Variants in ZDBF2 observed in about 807,000 individuals in gnomAD.
ZDBF2 encodes DBF4-type zinc finger-containing protein 2.
In ZDBF2, 6 loss-of-function variants were observed where a neutral mutation model predicts 9.4. The ratio of observed to expected loss-of-function variants is 0.64; its 90% CI spans 0.35 to 1.27. ZDBF2 has a LOEUF of 1.27. Among genes scored for constraint, ZDBF2 ranks in the 50% most tolerant of loss-of-function variants. The pLI is 0.03. For synonymous variants in ZDBF2, 905 were observed against 946.3 expected, an observed-to-expected ratio of 0.96 and a Z score of 0.80; for missense variants, 2,697 against 2,766.8, an observed-to-expected ratio of 0.97 and a Z score of 0.57.
In ZDBF2 at chr2:206,307,440, C is replaced by T. The variant is rs1355919398; in HGVS notation, c.2912C>T (p.Pro971Leu). The T allele has an allele frequency of 2.5e-6, 4 of 1,611,886 alleles. No homozygotes were observed. The highest frequency in any genetic ancestry group is 1.7e-5 in the Admixed American group (1 of 59,666). The stretch of plus-strand genomic sequence containing the variant: ...CCTCTTCAGGCAGCGACTCACAAAC[C>T]TGAAGTAATTGTCAAAGAAACATGG... ...DVPLQAATHK[P>L]EVIVKETWLQ... The change falls in exon 5 of 5, where the codon CCT (proline) becomes CTT (leucine). Residue 971 changes from proline (P) to leucine (L), a missense_variant. Physicochemically the swap from Pro to Leu is moderately conservative, Grantham distance 98 (BLOSUM62 -3). Around this residue, in one of 3 missense-constraint regions of ZDBF2, gnomAD observed 1,783 missense variants for 1,776.5 expected, o/e 1.00. Coordinates refer to ENST00000374423, the MANE Select transcript of ZDBF2 (RefSeq NM_020923.3).
At chr2:206,278,504 T>C (rs1458110334) in intron 1 of ZDBF2, among the ~76,000 whole-genome samples, 2 of 152,184 alleles carry the variant, frequency 1.3e-5, no homozygotes, top group Non-Finnish European at 2.9e-5. Context: ...TGCCTAAAGA[T>C]ACGGTCTAAA....
In ZDBF2 at chr2:206,277,016, G is replaced by A. The variant is rs564793829; in HGVS notation, c.-103+2070G>A. 3.3e-5 allele frequency among the ~76,000 whole-genome samples: 5 copies of A among 152,246 alleles called. 1 individual carries two copies. Among genetic ancestry groups the A allele is most frequent in the African/African-American group, 1.2e-4 (5 of 41,550 alleles). On this transcript the variant is annotated intron_variant, in intron 1 of 4. Transcript: ENST00000374423. ...ATTGTTTTGTCATTGCTCCTCAATT[G>A]TTTCCCTACTGCTGGACGGAAAATT... is the stretch of plus-strand genomic sequence containing the variant.
chr2:206,305,918 C>G lies in ZDBF2; in HGVS notation c.1390C>G (p.Gln464Glu). The G allele has an allele frequency of 6.2e-7, 1 of 1,613,256 alleles. No individual in the cohort carries two copies. The highest frequency in any genetic ancestry group is 1.1e-5 in the South Asian group (1 of 91,022). The stretch of plus-strand genomic sequence containing the variant: ...TGACATTCTTCACTTGGTTACCAAC[C>G]AATCCCAAATGATTGTTAAAGAAAT... The part of the protein sequence containing the change: ...CDDILHLVTN[Q>E]SQMIVKEISL... Residue 464 changes from glutamine (Q) to glutamate (E), a missense_variant, in exon 5 of 5, where the codon CAA becomes GAA. Gln to Glu is a conservative substitution (Grantham distance 29, BLOSUM62 2). Coordinates refer to ENST00000374423, the MANE Select transcript of ZDBF2 (RefSeq NM_020923.3).
In ZDBF2 at chr2:206,284,804, C is replaced by A. The variant is rs574430441; in HGVS notation, c.60+2895C>A. ...AGTGCAGTGGCATGATCTTGGCTCA[C>A]TGCAACCTTCGCCTCTTGGGTTCAA... On this transcript the variant is annotated intron_variant, in intron 3 of 4. Transcript: ENST00000374423. Among the ~76,000 whole-genome samples, 80 of 152,326 alleles carry A rather than the reference C, an allele frequency of 5.3e-4. 1 individual carries two copies. Among genetic ancestry groups the A allele is most frequent in the African/African-American group, 1.8e-3 (73 of 41,578 alleles).
At chr2:206,288,872 G>T (rs1020554098) in intron 3 of ZDBF2, among the ~76,000 whole-genome samples, 1 of 152,096 alleles carries the variant, frequency 6.6e-6, no homozygotes, top group African/African-American at 2.4e-5. Context: ...TAGGTCTCAG[G>T]GGATGAGGCA....
In ZDBF2 at chr2:206,311,504, T is replaced by C; in HGVS notation, c.6976T>C (p.Tyr2326His). ...AGGTCCTTCTACACCTGTGAGAGCA[T>C]ATGATCTGAGAAGCTCATCTTGTTT... ...QKGPSTPVRA[Y>H]DLRSSSCLQQ... Residue 2326 changes from tyrosine to histidine, a missense_variant, in exon 5 of 5, where the codon TAT (tyrosine) becomes CAT (histidine). This residue lies in a region of ZDBF2 where 1,783 missense variants were observed against 1,776.5 expected (regional missense o/e 1.00). Transcript: ENST00000374423. The C allele has an allele frequency of 6.3e-7, 1 of 1,596,336 alleles. No homozygotes were observed. Among genetic ancestry groups the C allele is most frequent in the East Asian group, 2.2e-5 (1 of 44,780 alleles).
In ZDBF2 at chr2:206,308,941, G is replaced by A. The variant is rs747703884; in HGVS notation, c.4413G>A (p.Val1471=). The A allele has an allele frequency of 6.2e-7, 1 of 1,613,332 alleles. No individual in the cohort carries two copies. Among genetic ancestry groups the A allele is most frequent in the Non-Finnish European group, 8.5e-7 (1 of 1,179,620 alleles). The change falls in exon 5 of 5, where the codon GTG becomes GTA. Residue 1471 remains valine (V), a synonymous_variant. Transcript: ENST00000374423. ...HLQSEVDQPQ[V]SYKEADLQKE... ...AGTCAGAAGTTGACCAACCTCAAGT[G>A]TCTTACAAAGAGGCAGACCTTCAGA...
intron 3 of ZDBF2, 139 bp downstream of exon 3, chr2:206,282,048 C>A: frequency 2.7e-6 from 2 of 737,928 alleles, no homozygotes; most frequent in Admixed American, 3.3e-5. Flanking sequence ...GTTTAAGGTT[C>A]TAGGGATATG....
rs1369273729 is a variant in ZDBF2, at chr2:206,278,233, AAAAGTCATTTTTTAAAGAAAAATT to A, written c.-102-1303_-102-1280del. 9.2e-5 allele frequency among the ~76,000 whole-genome samples: 14 copies of A among 152,332 alleles called. No homozygotes were observed. The East Asian group carries it at 2.5e-3, about 27-fold the overall frequency. On this transcript the variant is annotated intron_variant, in intron 1 of 4. Transcript: ENST00000374423. ...CTTTACTTTTGTAATAAAAATTAAT[AAAAGTCATTTTTTAAAGAAAAATT>A]AAATGTGTATTTTCTTATTTTGTAA... is the stretch of plus-strand genomic sequence containing the variant.
At chr2:206,290,993 A>G (rs1356227582) in intron 3 of ZDBF2, among the ~76,000 whole-genome samples, 1 of 152,128 alleles carries the variant, frequency 6.6e-6, no homozygotes, top group Non-Finnish European at 1.5e-5. Flanking sequence ...CTAATTTGCT[A>G]AGTGTTTAAT....
At chr2:206,290,497 CA>C (rs1691832954) in intron 3 of ZDBF2, among the ~76,000 whole-genome samples, 2 of 152,158 alleles carry the variant, frequency 1.3e-5, no homozygotes, top group Admixed American at 6.5e-5. Context: ...TATGTATTTC[CA>C]TTTACGCAGA....
At position 206,308,397 on chromosome 2, in the gene ZDBF2, A is replaced by T; in HGVS notation, c.3869A>T (p.His1290Leu). The change falls in exon 5 of 5, where the codon CAT (histidine) becomes CTT (leucine). Residue 1290 changes from histidine to leucine, a missense_variant. Around this residue, in one of 3 missense-constraint regions of ZDBF2, gnomAD observed 1,783 missense variants for 1,776.5 expected, o/e 1.00. Transcript: ENST00000374423. ...GATTCCAGAATAAATTTTGATTCTCATGAACCCCTTCAGTCCGTAACTAAT... is the reference window on the plus strand; with the variant it reads ...GATTCCAGAATAAATTTTGATTCTCTTGAACCCCTTCAGTCCGTAACTAAT... ...PTDSRINFDS[H>L]EPLQSVTNKI... 1 of 1,613,086 alleles carries T rather than the reference A, an allele frequency of 6.2e-7. No homozygotes were observed. Among genetic ancestry groups the T allele is most frequent in the Non-Finnish European group, 8.5e-7 (1 of 1,179,656 alleles).
At chr2:206,278,174 G>A (rs1691128530) in intron 1 of ZDBF2, among the ~76,000 whole-genome samples, 1 of 152,002 alleles carries the variant, frequency 6.6e-6, no homozygotes, top group South Asian at 2.1e-4. Flanking sequence ...TGATTTTTAT[G>A]CTCTTTATTT....
At chr2:206,295,353 CTTTTCTTTTCT>C (rs1692111707) in intron 3 of ZDBF2, among the ~76,000 whole-genome samples, 1 of 138,198 alleles carries the variant, frequency 7.2e-6, no homozygotes. Flanking sequence ...CTTTTTTTTT[CTTTTCTTTTCT>C]TTTTTTTTTT....
At position 206,306,757 on chromosome 2, in the gene ZDBF2, T is replaced by C. The variant is rs1692824444; in HGVS notation, c.2229T>C (p.Tyr743=). 1 of 1,613,872 alleles carries C rather than the reference T, an allele frequency of 6.2e-7. No individual in the cohort carries two copies. The highest frequency in any genetic ancestry group is 8.5e-7 in the Non-Finnish European group (1 of 1,179,786). ...ATATTGACATGGAAGTTAGGAGCTA[T>C]GATTGCTCCAGCTCTGAGTTGACTT... ...ELNIDMEVRS[Y]DCSSSELTFD... The change falls in exon 5 of 5, where the codon TAT becomes TAC. Residue 743 remains tyrosine, a synonymous_variant. Transcript: ENST00000374423.
chr2:206,287,800 A>G (rs1238906542), intron 3 of ZDBF2, among the ~76,000 whole-genome samples: 2 of 152,024 alleles, frequency 1.3e-5, no homozygotes, highest in African/African-American at 4.8e-5. Context: ...TGACTGATCT[A>G]AAAATTCAGA....
chr2:206,309,970 A>G lies in ZDBF2; in HGVS notation c.5442A>G (p.Glu1814=), dbSNP rs748928945. The G allele has an allele frequency of 6.2e-7, 1 of 1,613,350 alleles. No individual in the cohort carries two copies. The highest frequency in any genetic ancestry group is 1.1e-5 in the South Asian group (1 of 90,890). ...ATGTCATAGAGGATAATCCTGATGA[A>G]CCAGTTCTTGAAGCCTTGCCTCATG... is the stretch of plus-strand genomic sequence containing the variant. ...AKDVIEDNPD[E]PVLEALPHVP... The change falls in exon 5 of 5, where the codon GAA becomes GAG. Residue 1814 remains glutamate, a synonymous_variant. Coordinates refer to ENST00000374423, the MANE Select transcript of ZDBF2 (RefSeq NM_020923.3).
rs1292345820 is a variant in ZDBF2 at position 206,297,308 on chromosome 2, T to C, written c.123T>C (p.Ser41=). Residue 41 remains serine (S), a synonymous_variant, in exon 4 of 5, where the codon AGT becomes AGC. Transcript: ENST00000374423. ...AGAGTAGACGTCAAATATGTACCAG[T>C]AGTTTGATGGAACGTTTCTTACAGG... ...TRQSRRQICT[S]SLMERFLQDV... 2 of 1,611,714 alleles carry C rather than the reference T, an allele frequency of 1.2e-6. No homozygotes were observed. The highest frequency in any genetic ancestry group is 2.7e-5 in the African/African-American group (2 of 74,878).
rs913617029 is a variant in ZDBF2 at position 206,307,737 on chromosome 2, A to G, written c.3209A>G (p.Asp1070Gly). ...AAGGAAAAACATGTTAATCTGAAGG[A>G]CAAAAACAGTAAATCAGGTGATTCT... is the stretch of plus-strand genomic sequence containing the variant. ...FLKEKHVNLKDKNSKSGDSKI... is the reference protein window; with the variant it reads ...FLKEKHVNLKGKNSKSGDSKI... Residue 1070 changes from aspartate to glycine, a missense_variant, in exon 5 of 5, where the codon GAC (aspartate) becomes GGC (glycine). By Grantham distance (94) the Asp-to-Gly change is moderately conservative. Around this residue, in one of 3 missense-constraint regions of ZDBF2, gnomAD observed 1,783 missense variants for 1,776.5 expected, o/e 1.00. Coordinates refer to ENST00000374423, the MANE Select transcript of ZDBF2 (RefSeq NM_020923.3). The G allele has an allele frequency of 6.2e-7, 1 of 1,613,560 alleles. No homozygotes were observed. Among genetic ancestry groups the G allele is most frequent in the Non-Finnish European group, 8.5e-7 (1 of 1,179,724 alleles).
Sources: gnomAD v4.1 joint callset for allele counts (sites outside exome capture counted in the v4.1 genomes callset) on GRCh38, gnomAD v4.1.1 for gene constraint, gnomAD v4.1.1 regional missense constraint, MANE v1.5 for transcripts, NCBI Gene and HGNC (gene_info 2026-07-23, HGNC 2026-07-21) for gene names.